EIF4EBP2: variants seen among roughly 807,000 people sequenced by gnomAD.
The protein encoded by EIF4EBP2 is eukaryotic translation initiation factor 4E-binding protein 2.
A neutral mutation model predicts 10.3 loss-of-function variants in EIF4EBP2; 5 were observed. The ratio of observed to expected loss-of-function variants is 0.48; its 90% CI spans 0.25 to 1.02. The LOEUF is 1.02. Ranked by LOEUF, EIF4EBP2 falls within the 50% of genes least tolerant of loss-of-function variation. The pLI, the probability that EIF4EBP2 is intolerant of heterozygous loss-of-function variation, is 0.15. For missense variants in EIF4EBP2, 188 were observed against 162.2 expected, an observed-to-expected ratio of 1.16 and a Z score of -0.86; for synonymous variants, 67 against 61.1, an observed-to-expected ratio of 1.10 and a Z score of -0.45.
At chr10:70,419,044 T>C (rs1270215102) in intron 1 of EIF4EBP2, among the ~76,000 whole-genome samples, 1 of 152,240 alleles carries the variant, frequency 6.6e-6, no homozygotes, top group Non-Finnish European at 1.5e-5. Context: ...CTCAGACTCC[T>C]GGGCTCAAGC....
chr10:70,411,730 T>C (rs1478683996), intron 1 of EIF4EBP2, among the ~76,000 whole-genome samples: 3 of 152,188 alleles, frequency 2.0e-5, no homozygotes, highest in African/African-American at 7.2e-5. Context: ...GCTGTGATTA[T>C]AGGTGTGAGC....
In EIF4EBP2 at chr10:70,424,498, T is replaced by C. The variant is rs996713542; in HGVS notation, c.*2751T>C. On this transcript the variant is annotated 3_prime_UTR_variant, in exon 3 of 3. Coordinates refer to ENST00000373218, the MANE Select transcript of EIF4EBP2 (RefSeq NM_004096.5). ...GTGTCATGCCTCATGGAATTATTTT[T>C]AGAACAAGCCAGAGTCCATTGAGTG... 1 of 152,250 alleles carries C rather than the reference T, an allele frequency of 6.6e-6. No individual in the cohort carries two copies. The highest frequency in any genetic ancestry group is 2.4e-5 in the African/African-American group (1 of 41,464). The allele number at this position is 152,250 out of a possible 1,614,324, so 9.4% of individuals were successfully genotyped here.
At position 70,426,056 on chromosome 10, in the gene EIF4EBP2, T is replaced by C. The variant is rs1350065838; in HGVS notation, c.*4309T>C. 6.6e-6 allele frequency: 1 copy of C among 152,214 alleles called. No individual in the cohort carries two copies. Among genetic ancestry groups the C allele is most frequent in the Admixed American group, 6.5e-5 (1 of 15,290 alleles). The allele number at this position is 152,214 out of a possible 1,614,324, so 9.4% of individuals were successfully genotyped here. ...CTAAATCCAGTGCATAGGTTAACCC[T>C]GCATGCCCATTTCTTCCTGGGCTTC... On this transcript the variant is annotated 3_prime_UTR_variant, in exon 3 of 3. Transcript: ENST00000373218.
At position 70,420,060 on chromosome 10, in the gene EIF4EBP2, T is replaced by C; in HGVS notation, c.292T>C (p.Leu98=). Residue 98 remains leucine (L), a synonymous_variant, in exon 2 of 3, where the codon TTG becomes CTG. Transcript: ENST00000373218. ...IEDSKVEVNN[L]NNLNNHDRKH... ...AGACTCCAAAGTAGAAGTAAACAATTTGAACAACTTGAACAATCACGACAG... is the reference window on the plus strand; with the variant it reads ...AGACTCCAAAGTAGAAGTAAACAATCTGAACAACTTGAACAATCACGACAG... 5.0e-6 allele frequency: 8 copies of C among 1,610,010 alleles called. No individual in the cohort carries two copies. The highest frequency in any genetic ancestry group is 6.8e-6 in the Non-Finnish European group (8 of 1,178,776).
intron 1 of EIF4EBP2, among the ~76,000 whole-genome samples, chr10:70,411,525 G>A (rs902422096): frequency 1.2e-4 from 18 of 152,172 alleles, no homozygotes; most frequent in African/African-American, 4.1e-4. Context: ...CACTCTCAGA[G>A]AAACCATTTT....
rs191434228 is a variant in EIF4EBP2 at position 70,420,426 on chromosome 10, C to T, written c.331+327C>T. 2.0e-3 allele frequency among the ~76,000 whole-genome samples: 301 copies of T among 152,204 alleles called. 2 individuals are homozygous for T. The highest frequency in any genetic ancestry group is 2.2e-3 in the Non-Finnish European group (151 of 68,014). The stretch of plus-strand genomic sequence containing the variant: ...ATGTTGCTTAGGCTGTTCTTGAACT[C>T]CTGACCTCAGGTGATCCACCTGCCT... On this transcript the variant is annotated intron_variant, in intron 2 of 2. Transcript: ENST00000373218.
rs1294544777 is a variant in EIF4EBP2 at position 70,424,658 on chromosome 10, G to A, written c.*2911G>A. 6.6e-6 allele frequency: 1 copy of A among 152,194 alleles called. No homozygotes were observed. Among genetic ancestry groups the A allele is most frequent in the African/African-American group, 2.4e-5 (1 of 41,448 alleles). 9.4% of individuals were successfully genotyped at this position (152,194 alleles called of 1,614,324 possible). ...GCTCTTAACATCTTAGTGACCATTT[G>A]TAGTTTTCTTTTTATGAGGAACCCA... On this transcript the variant is annotated 3_prime_UTR_variant, in exon 3 of 3. Transcript: ENST00000373218.
At chr10:70,407,720 CG>C (rs1205930241) in intron 1 of EIF4EBP2, among the ~76,000 whole-genome samples, 3 of 72,616 alleles carry the variant, frequency 4.1e-5, no homozygotes, top group Non-Finnish European at 6.3e-5. Flanking sequence ...ACCTCCCGGG[CG>C]GGGGGCTGAC....
chr10:70,404,518 G>C lies in EIF4EBP2; in HGVS notation c.117G>C (p.Gly39=). 6.3e-7 allele frequency: 1 copy of C among 1,589,790 alleles called. No homozygotes were observed. The highest frequency in any genetic ancestry group is 8.5e-7 in the Non-Finnish European group (1 of 1,171,302). ...QLPHDYCTTP[G]GTLFSTTPGG... Reference sequence around the variant, plus strand: ...CTCATGACTATTGCACCACGCCCGGGGGGACGCTCTTCTCCACCACACCGG... The same window carrying C: ...CTCATGACTATTGCACCACGCCCGGCGGGACGCTCTTCTCCACCACACCGG... The change falls in exon 1 of 3, where the codon GGG becomes GGC. Residue 39 remains glycine (G), a synonymous_variant. Coordinates refer to ENST00000373218, the MANE Select transcript of EIF4EBP2 (RefSeq NM_004096.5).
intron 1 of EIF4EBP2, among the ~76,000 whole-genome samples, chr10:70,407,023 G>A (rs376101257): frequency 3.2e-4 from 49 of 152,022 alleles, no homozygotes; most frequent in Admixed American, 1.8e-3. Flanking sequence ...TCAGCCTCCC[G>A]AGTAGCTGGG....
chr10:70,416,213 G>A (rs1460158208), intron 1 of EIF4EBP2, among the ~76,000 whole-genome samples: 1 of 152,100 alleles, frequency 6.6e-6, no homozygotes, highest in African/African-American at 2.4e-5. Flanking sequence ...TGCTAATGTT[G>A]GCTACAATAT....
chr10:70,414,878 C>CA (rs201408200), intron 1 of EIF4EBP2, among the ~76,000 whole-genome samples: 2,903 of 151,868 alleles, frequency 0.019, 31 homozygotes, highest in Non-Finnish European at 0.027. Flanking sequence ...AAAGCAAAAA[C>CA]AAAGAAAACT....
chr10:70,405,442 C>G (rs1261070406), intron 1 of EIF4EBP2, among the ~76,000 whole-genome samples: 1 of 152,160 alleles, frequency 6.6e-6, no homozygotes, highest in East Asian at 1.9e-4. Flanking sequence ...GGGAAGAGAG[C>G]TCAAAGGTTG....
intron 1 of EIF4EBP2, among the ~76,000 whole-genome samples, chr10:70,411,772 TATTA>T (rs1298560203): frequency 6.6e-6 from 1 of 152,212 alleles, no homozygotes; most frequent in South Asian, 2.1e-4. Context: ...TAGTTTGGGA[TATTA>T]ATTCATTTTC....
In EIF4EBP2 at chr10:70,425,865, G is replaced by A. The variant is rs753142179; in HGVS notation, c.*4118G>A. ...AAAAGAAAGCAGTTCACATTTAGGTGAAATAGATGATGTTATCAGGAAGCC... is the reference window on the plus strand; with the variant it reads ...AAAAGAAAGCAGTTCACATTTAGGTAAAATAGATGATGTTATCAGGAAGCC... On this transcript the variant is annotated 3_prime_UTR_variant, in exon 3 of 3. Transcript: ENST00000373218. 2.0e-4 allele frequency: 31 copies of A among 152,350 alleles called. No homozygotes were observed. Among genetic ancestry groups the A allele is most frequent in the Non-Finnish European group, 4.0e-4 (27 of 68,030 alleles). The allele number at this position is 152,350 out of a possible 1,614,324, so 9.4% of individuals were successfully genotyped here.
At chr10:70,416,341 G>T (rs1845094427) in intron 1 of EIF4EBP2, among the ~76,000 whole-genome samples, 1 of 152,098 alleles carries the variant, frequency 6.6e-6, no homozygotes, top group East Asian at 1.9e-4. Context: ...AACACTTTGG[G>T]AGGCCGAGCT....
At position 70,422,667 on chromosome 10, in the gene EIF4EBP2, T is replaced by C. The variant is rs1317156835; in HGVS notation, c.*920T>C. The stretch of plus-strand genomic sequence containing the variant: ...TAGCTTCCACTTGGTGGGTAAGGCC[T>C]GATCATAGTATTCTGTCAGATAATG... On this transcript the variant is annotated 3_prime_UTR_variant, in exon 3 of 3. Transcript: ENST00000373218. 6.6e-6 allele frequency: 1 copy of C among 152,212 alleles called. No individual in the cohort carries two copies. The highest frequency in any genetic ancestry group is 1.5e-5 in the Non-Finnish European group (1 of 68,044). 9.4% of individuals were successfully genotyped at this position (152,212 alleles called of 1,614,324 possible).
intron 1 of EIF4EBP2, among the ~76,000 whole-genome samples, chr10:70,406,787 T>C (rs1355104371): frequency 6.6e-6 from 1 of 152,276 alleles, no homozygotes; most frequent in African/African-American, 2.4e-5. Flanking sequence ...ACATTGTTTC[T>C]ACACACAGTT....
intron 1 of EIF4EBP2, among the ~76,000 whole-genome samples, 194 bp downstream of exon 1, chr10:70,404,740 G>T (rs1404911550): frequency 6.6e-6 from 1 of 152,208 alleles, no homozygotes; most frequent in Non-Finnish European, 1.5e-5. Flanking sequence ...GAGTCGGCGC[G>T]CGCCCCACTC....
Sources: allele counts gnomAD v4.1 joint callset (sites outside exome capture counted in the v4.1 genomes callset), GRCh38; gene constraint gnomAD v4.1.1; transcripts MANE v1.5; gene names NCBI Gene and HGNC (gene_info 2026-07-23, HGNC 2026-07-21).